Variants in DNAH9 observed in about 807,000 individuals in gnomAD.
The protein encoded by DNAH9 is dynein axonemal heavy chain 9.
Under a neutral mutation model 471.6 loss-of-function variants are expected in DNAH9, and 345 were observed. The observed-to-expected ratio is 0.73, with a 90% CI of 0.67 to 0.80. The LOEUF is 0.80. Ranked by LOEUF, DNAH9 falls within the 30% of genes least tolerant of loss-of-function variation. The pLI, the probability that DNAH9 is intolerant of heterozygous loss-of-function variation, is 0.00. For synonymous variants in DNAH9, 2,093 were observed against 2,123.6 expected (o/e 0.99, Z 0.40); for missense variants, 5,407 against 5,609.2 (o/e 0.96, Z 1.15).
chr17:11,945,227 T>C (rs1975068539), intron 67 of DNAH9, among the ~76,000 whole-genome samples: 1 of 152,180 alleles, frequency 6.6e-6, no homozygotes, highest in Non-Finnish European at 1.5e-5. Context: ...TTTTCCTTCC[T>C]CACTTTCTTA....
At chr17:11,709,091 G>A (rs2074786654) in intron 26 of DNAH9, among the ~76,000 whole-genome samples, 2 of 152,182 alleles carry the variant, frequency 1.3e-5, no homozygotes, top group Non-Finnish European at 2.9e-5. Flanking sequence ...CCCAGGAATT[G>A]AAGATAATTA....
intron 62 of DNAH9, chr17:11,925,608 C>CT (rs1974294599): frequency 6.4e-6 from 1 of 156,342 alleles, no homozygotes. Context: ...AACCCAGGCA[C>CT]TTGTCATGGA....
chr17:11,856,801 A>G (rs1431506072), intron 50 of DNAH9, among the ~76,000 whole-genome samples: 2 of 152,200 alleles, frequency 1.3e-5, no homozygotes, highest in Non-Finnish European at 2.9e-5. Flanking sequence ...CTTAAAATAG[A>G]TGATAATCAC....
In DNAH9 at chr17:11,962,112, G is replaced by A. The variant is rs550364927; in HGVS notation, c.13089G>A (p.Thr4363=). 33 of 1,614,118 alleles carry A rather than the reference G, an allele frequency of 2.0e-5. No individual in the cohort carries two copies. The highest frequency in any genetic ancestry group is 1.6e-4 in the Middle Eastern group (1 of 6,062). The stretch of plus-strand genomic sequence containing the variant: ...TCCTGACTGCCATCATGCAGTCCAC[G>A]GCTCGCAAGAATGAGTGGCCACTGG... The part of the protein sequence containing the change: ...QSFLTAIMQS[T]ARKNEWPLDQ... The change falls in exon 68 of 69, where the codon ACG becomes ACA. Residue 4363 remains threonine, a synonymous_variant. Transcript: ENST00000262442. The surrounding 1 kb of genome is among the most constrained non-coding windows in gnomAD (Gnocchi z 4.1).
chr17:11,673,908 GCATA>G (rs1314782922), intron 17 of DNAH9, among the ~76,000 whole-genome samples: 1 of 151,968 alleles, frequency 6.6e-6, no homozygotes, highest in East Asian at 1.9e-4. Flanking sequence ...ATATGTATAT[GCATA>G]CATACATACC....
At chr17:11,863,361 G>T (rs1354644150) in intron 50 of DNAH9, among the ~76,000 whole-genome samples, 1 of 152,054 alleles carries the variant, frequency 6.6e-6, no homozygotes, top group Non-Finnish European at 1.5e-5. Context: ...TTGCATCCCA[G>T]GGATGAAGCC....
chr17:11,730,085 G>C (rs2075232820), intron 28 of DNAH9, among the ~76,000 whole-genome samples: 2 of 152,170 alleles, frequency 1.3e-5, no homozygotes, highest in Non-Finnish European at 2.9e-5. Flanking sequence ...AGAACGTGAG[G>C]CTCTTCCCTG....
chr17:11,896,964 C>G (rs928551393), intron 59 of DNAH9, among the ~76,000 whole-genome samples: 2 of 152,142 alleles, frequency 1.3e-5, no homozygotes, highest in African/African-American at 2.4e-5. Context: ...GTGGCACACA[C>G]CTGTAATCCC....
At position 11,854,275 on chromosome 17, in the gene DNAH9, T is replaced by G; in HGVS notation, c.9780T>G (p.Tyr3260Ter). The change falls in exon 50 of 69, where the codon TAT becomes TAG. Residue 3260 changes from tyrosine to a stop codon, truncating the protein, a stop_gained. Transcript: ENST00000262442. LOFTEE classifies it high-confidence loss of function. ...FNPEFVATKS[Y>*]AAAGLCSWVI... The stretch of plus-strand genomic sequence containing the variant: ...CTGAGTTTGTGGCCACCAAATCCTA[T>G]GCGGCTGCAGGCCTCTGCTCCTGGG... 6.2e-7 allele frequency: 1 copy of G among 1,614,168 alleles called. No homozygotes were observed. The highest frequency in any genetic ancestry group is 8.5e-7 in the Non-Finnish European group (1 of 1,180,032).
rs1253209047 is a variant in DNAH9, at chr17:11,946,137, T to C, written c.12843+3652T>C. On this transcript the variant is annotated intron_variant, in intron 67 of 68. Transcript: ENST00000262442. ...ATAGTTTGAACCCGGGAGGTGGAGG[T>C]TGCAGCGAGCTGAGATCATGCCACT... Among the ~76,000 whole-genome samples, 7 of 132,676 alleles carry C rather than the reference T, an allele frequency of 5.3e-5. No homozygotes were observed. The East Asian group carries it at 1.6e-3, about 29-fold the overall frequency. The allele number at this position is 132,676 out of a possible 152,430, so 87.0% of individuals were successfully genotyped here.
Position 11,820,244 on chromosome 17 carries a change from C to T in DNAH9, c.8708-1676C>T, listed in dbSNP as rs903665793. On this transcript the variant is annotated intron_variant, in intron 45 of 68. Transcript: ENST00000262442. The stretch of plus-strand genomic sequence containing the variant: ...TTTCTAGTGTTTATCCTTGCATTTC[C>T]GGGACAGGGTTTACACTTGGTCATC... Among the ~76,000 whole-genome samples, 4 of 151,784 alleles carry T rather than the reference C, an allele frequency of 2.6e-5. 1 individual carries two copies. The highest frequency in any genetic ancestry group is 4.2e-4 in the South Asian group (2 of 4,810).
chr17:11,886,864 G>C lies in DNAH9; in HGVS notation c.11011G>C (p.Ala3671Pro). The C allele has an allele frequency of 6.2e-7, 1 of 1,612,536 alleles. No individual in the cohort carries two copies. Among genetic ancestry groups the C allele is most frequent in the Non-Finnish European group, 8.5e-7 (1 of 1,179,300 alleles). Residue 3671 changes from alanine (A) to proline (P), a missense_variant, in exon 57 of 69, where the codon GCC becomes CCC. Coordinates refer to ENST00000262442, the MANE Select transcript of DNAH9 (RefSeq NM_001372.4). ...GGTGACTGAAGTGAAAATCAACGAG[G>C]CCCGAGAGCACTACCGGCCAGCAGC... is the stretch of plus-strand genomic sequence containing the variant. Reference protein sequence around the residue: ...AKVTEVKINEAREHYRPAAAR... With the variant: ...AKVTEVKINEPREHYRPAAAR...
At chr17:11,891,684 G>A in intron 57 of DNAH9, 93 bp from the exon 58 acceptor site, 1 of 1,452,816 alleles carries the variant, frequency 6.9e-7, no homozygotes, top group Non-Finnish European at 9.3e-7. Flanking sequence ...AATTTCTATG[G>A]GCTGGAAAAC....
chr17:11,713,559 G>A (rs1258561160), intron 26 of DNAH9, among the ~76,000 whole-genome samples: 1 of 151,856 alleles, frequency 6.6e-6, no homozygotes, highest in Non-Finnish European at 1.5e-5. Context: ...ACCTCACCAG[G>A]TTAATGGTGT....
At chr17:11,780,405 G>C (rs1968624265) in intron 38 of DNAH9, among the ~76,000 whole-genome samples, 1 of 152,226 alleles carries the variant, frequency 6.6e-6, no homozygotes, top group South Asian at 2.1e-4. Context: ...GCCTCGGAGA[G>C]GAAAGGGCAT....
At chr17:11,660,318 T>C (rs1346693397) in intron 14 of DNAH9, among the ~76,000 whole-genome samples, 1 of 124,150 alleles carries the variant, frequency 8.1e-6, no homozygotes, top group Non-Finnish European at 1.7e-5. Context: ...TTTAAATGTT[T>C]CTTTTTTTTT....
At chr17:11,796,614 C>T (rs981796157) in intron 42 of DNAH9, among the ~76,000 whole-genome samples, 14 of 152,164 alleles carry the variant, frequency 9.2e-5, no homozygotes, top group African/African-American at 2.9e-4. Context: ...ATAAATAACA[C>T]ACTGGTTACC....
chr17:11,942,501 T>G lies in DNAH9; in HGVS notation c.12843+16T>G, dbSNP rs1452545142. On this transcript the variant is annotated intron_variant, in intron 67 of 68. Transcript: ENST00000262442. ...CGGCTTAAAGGTGAGCGCGGTCTTG[T>G]AAGGCATGGAGGGGACATTGCTAGA... The G allele has an allele frequency of 6.2e-7, 1 of 1,609,328 alleles. No homozygotes were observed. The highest frequency in any genetic ancestry group is 2.2e-5 in the East Asian group (1 of 44,812).
In DNAH9 at chr17:11,881,225, G is replaced by T. The variant is rs774049396; in HGVS notation, c.10618G>T (p.Asp3540Tyr). 5 of 1,614,172 alleles carry T rather than the reference G, an allele frequency of 3.1e-6. 1 individual carries two copies. The South Asian group carries it at 5.5e-5, about 18-fold the overall frequency. Residue 3540 changes from aspartate (D) to tyrosine (Y), a missense_variant, in exon 55 of 69, where the codon GAC becomes TAC. Around this residue, in one of 3 missense-constraint regions of DNAH9, gnomAD observed 4,636 missense variants for 4,900.3 expected, o/e 0.95. Coordinates refer to ENST00000262442, the MANE Select transcript of DNAH9 (RefSeq NM_001372.4). ...ATGTTCCAGATTCATTAAAATTGGA[G>T]ACAAAGAATGTGAATACAATCCCAA... ...IKKGRFIKIG[D>Y]KECEYNPKFR...
Sources: gnomAD v4.1 joint callset for allele counts (sites outside exome capture counted in the v4.1 genomes callset) on GRCh38, gnomAD v4.1.1 for gene constraint, gnomAD v4.1.1 regional missense constraint, Gnocchi (gnomAD v3.1) non-coding constraint, MANE v1.5 for transcripts, NCBI Gene and HGNC (gene_info 2026-07-23, HGNC 2026-07-21) for gene names.